MYO6: variants seen among roughly 807,000 people sequenced by gnomAD.
MYO6 encodes the protein unconventional myosin-VI.
A neutral mutation model predicts 178.7 loss-of-function variants in MYO6; 74 were observed. The observed-to-expected ratio is 0.41, with a 90% CI of 0.34 to 0.50. MYO6 has a LOEUF of 0.50. Ranked by LOEUF, MYO6 falls within the 20% of genes least tolerant of loss-of-function variation. The pLI is 0.09. For missense variants in MYO6, 1,330 were observed against 1,547.4 expected, an observed-to-expected ratio of 0.86 and a Z score of 2.36; for synonymous variants, 477 against 504.6, an observed-to-expected ratio of 0.95 and a Z score of 0.73.
chr6:75,761,491 T>C (rs907080825), intron 1 of MYO6, among the ~76,000 whole-genome samples: 4 of 151,986 alleles, frequency 2.6e-5, no homozygotes, highest in African/African-American at 9.7e-5. Context: ...AGTTAGGAAT[T>C]TATAAACCAA....
chr6:75,833,834 T>C (rs558147762), intron 6 of MYO6, among the ~76,000 whole-genome samples: 2 of 152,346 alleles, frequency 1.3e-5, no homozygotes, highest in South Asian at 4.1e-4. Context: ...CTTTGAGAAT[T>C]TGAAAAGGTT....
chr6:75,876,769 T>A (rs923135961), intron 20 of MYO6, among the ~76,000 whole-genome samples: 1 of 152,180 alleles, frequency 6.6e-6, no homozygotes, highest in African/African-American at 2.4e-5. Context: ...CAATAATAGA[T>A]ATCATAATAG....
intron 1 of MYO6, among the ~76,000 whole-genome samples, chr6:75,797,098 T>G (rs1336238267): frequency 6.6e-6 from 1 of 152,152 alleles, no homozygotes; most frequent in African/African-American, 2.4e-5. Context: ...TTATTTAATT[T>G]TATTTTTTTG....
intron 1 of MYO6, among the ~76,000 whole-genome samples, chr6:75,771,454 C>T (rs906933132): frequency 6.6e-6 from 1 of 152,104 alleles, no homozygotes; most frequent in South Asian, 2.1e-4. Flanking sequence ...TGTAGTTGTT[C>T]CTCATCAAAA....
At chr6:75,866,888 A>T (rs1776749833) in intron 17 of MYO6, 44 bp from the exon 18 acceptor site, 1 of 1,592,862 alleles carries the variant, frequency 6.3e-7, no homozygotes, top group African/African-American at 1.3e-5. Context: ...AAGTGATGTT[A>T]TCACAAGATG....
At chr6:75,901,020 G>A (rs1398266481) in intron 30 of MYO6, among the ~76,000 whole-genome samples, 1 of 151,670 alleles carries the variant, frequency 6.6e-6, no homozygotes, top group Admixed American at 6.6e-5. Context: ...TTTTTCTCAG[G>A]TTTGTCAAAG....
At chr6:75,828,435 C>A in intron 3 of MYO6, 105 bp from the exon 4 acceptor site, 2 of 738,752 alleles carry the variant, frequency 2.7e-6, no homozygotes, top group Non-Finnish European at 4.8e-6. Flanking sequence ...TGTAACCTAA[C>A]AATTGATTTT....
At chr6:75,887,110 G>C in intron 25 of MYO6, 116 bp downstream of exon 25, 1 of 918,406 alleles carries the variant, frequency 1.1e-6, no homozygotes, top group Non-Finnish European at 1.7e-6. Flanking sequence ...AAAATGTGTT[G>C]AGACTCAATG....
intron 18 of MYO6, 61 bp downstream of exon 18, chr6:75,867,166 C>G: frequency 7.6e-7 from 1 of 1,322,166 alleles, no homozygotes; most frequent in South Asian, 1.4e-5. Context: ...GTTTTATATT[C>G]TAAAATGGAT....
chr6:75,797,980 A>G (rs1769035733), intron 1 of MYO6, among the ~76,000 whole-genome samples: 1 of 152,140 alleles, frequency 6.6e-6, no homozygotes, highest in African/African-American at 2.4e-5. Flanking sequence ...ATTAAAAGCC[A>G]TTTAATTAGG....
At chr6:75,868,610 T>C (rs1776891446) in intron 18 of MYO6, among the ~76,000 whole-genome samples, 1 of 152,150 alleles carries the variant, frequency 6.6e-6, no homozygotes. Flanking sequence ...TGAATGATAC[T>C]AATAATAAAA....
chr6:75,816,705 T>C (rs572296834), intron 1 of MYO6, among the ~76,000 whole-genome samples: 2 of 152,340 alleles, frequency 1.3e-5, no homozygotes, highest in African/African-American at 4.8e-5. Context: ...AGGGAAAGTT[T>C]CCCAGAGATA....
chr6:75,918,878 G>T lies in MYO6; in HGVS notation c.*3866G>T, dbSNP rs543987094. 1 of 152,388 alleles carries T rather than the reference G, an allele frequency of 6.6e-6. No individual in the cohort carries two copies. The highest frequency in any genetic ancestry group is 2.1e-4 in the South Asian group (1 of 4,830). The allele number at this position is 152,388 out of a possible 1,614,324, so 9.4% of individuals were successfully genotyped here. ...CTCACGCCTGTAATCCCAGCACTTT[G>T]GGAGGCCGAGGCGGGTGGATCACGA... On this transcript the variant is annotated 3_prime_UTR_variant, in exon 35 of 35. Coordinates refer to ENST00000369977, the MANE Select transcript of MYO6 (RefSeq NM_004999.4).
chr6:75,820,683 C>A lies in MYO6; in HGVS notation c.118-2099C>A, dbSNP rs367747721. Among the ~76,000 whole-genome samples the A allele has an allele frequency of 9.9e-5, 15 of 152,178 alleles. No homozygotes were observed. In the East Asian group the frequency reaches 1.4e-3, roughly 14 times the overall value. ...ACCGCACCTGGCCAATCTCCATATC[C>A]TTTTGCTTAGAAACTACTTATTTTT... On this transcript the variant is annotated intron_variant, in intron 2 of 34. Transcript: ENST00000369977.
At chr6:75,798,362 T>G in intron 1 of MYO6, among the ~76,000 whole-genome samples, 1 of 152,212 alleles carries the variant, frequency 6.6e-6, no homozygotes, top group East Asian at 1.9e-4. Flanking sequence ...ACCAATACCA[T>G]GCTGTTTTGG....
chr6:75,865,867 C>T (rs573796680), intron 16 of MYO6, among the ~76,000 whole-genome samples: 121 of 152,220 alleles, frequency 7.9e-4, no homozygotes, highest in Admixed American at 1.9e-3. Flanking sequence ...AGGAGAGTCC[C>T]TTTGCTGATG....
At chr6:75,781,917 CAAAAAAAA>C (rs10584481) in intron 1 of MYO6, among the ~76,000 whole-genome samples, 15 of 44,682 alleles carry the variant, frequency 3.4e-4, no homozygotes, top group Non-Finnish European at 5.7e-4. Flanking sequence ...GACTCCATCT[CAAAAAAAA>C]AAAAAAAAAA....
chr6:75,826,536 A>G (rs1346689506), intron 3 of MYO6, among the ~76,000 whole-genome samples: 1 of 152,092 alleles, frequency 6.6e-6, no homozygotes. Flanking sequence ...ATTTCAGAGG[A>G]AAGTGAGAGA....
At chr6:75,903,659 G>A (rs1473910221) in intron 30 of MYO6, among the ~76,000 whole-genome samples, 1 of 151,764 alleles carries the variant, frequency 6.6e-6, no homozygotes, top group African/African-American at 2.4e-5. Context: ...ACAGCACACT[G>A]ATGGGTCTTG....
Sources: allele counts gnomAD v4.1 joint callset (sites outside exome capture counted in the v4.1 genomes callset), GRCh38; gene constraint gnomAD v4.1.1; transcripts MANE v1.5; gene names NCBI Gene and HGNC (gene_info 2026-07-23, HGNC 2026-07-21).